The following RBM47 variants were observed in gnomAD, a reference collection of about 807,000 sequenced individuals.
RBM47 encodes RNA binding motif protein 47.
Under a neutral mutation model 47.1 loss-of-function variants are expected in RBM47, and 21 were observed. The observed-to-expected ratio is 0.45, with a 90% CI of 0.32 to 0.64. RBM47 has a LOEUF of 0.64. RBM47 is among the 30% of genes least tolerant of loss of function. The probability of loss-of-function intolerance (pLI) is 0.05; values close to 1 mark genes in which losing one functional copy is unlikely to be tolerated. For synonymous variants in RBM47, 375 were observed against 361.7 expected, an observed-to-expected ratio of 1.04 and a Z score of -0.42; for missense variants, 708 against 870.9, an observed-to-expected ratio of 0.81 and a Z score of 2.35.
chr4:40,496,109 G>A (rs1292461969), intron 2 of RBM47, among the ~76,000 whole-genome samples: 2 of 152,098 alleles, frequency 1.3e-5, no homozygotes, highest in Admixed American at 6.6e-5. Flanking sequence ...GCAGAGAGAA[G>A]AAACAAGAGT....
intron 1 of RBM47, among the ~76,000 whole-genome samples, chr4:40,608,740 T>C (rs1181357496): frequency 6.6e-6 from 1 of 152,186 alleles, no homozygotes; most frequent in Non-Finnish European, 1.5e-5. Flanking sequence ...AAGTTGGTGT[T>C]AGTAAGGCAA....
At chr4:40,478,258 A>G (rs1318185924) in intron 2 of RBM47, among the ~76,000 whole-genome samples, 2 of 151,812 alleles carry the variant, frequency 1.3e-5, no homozygotes, top group East Asian at 3.9e-4. Flanking sequence ...CAGGTGATCC[A>G]CCTGCCTCAG....
intron 1 of RBM47, among the ~76,000 whole-genome samples, chr4:40,572,681 T>C (rs1275526983): frequency 6.6e-6 from 1 of 151,936 alleles, no homozygotes; most frequent in Admixed American, 6.6e-5. Flanking sequence ...GGAGGATCAC[T>C]TAAGACCAGC....
rs921361409 is a variant in RBM47, at chr4:40,534,046, C to T, written c.-155+10376G>A. 6.6e-5 allele frequency among the ~76,000 whole-genome samples: 10 copies of T among 151,994 alleles called. No individual in the cohort carries two copies. The South Asian group carries it at 8.3e-4, about 13-fold the overall frequency. ...GTCAGGCTGGTCTCAAACTCCCAAC[C>T]TCAGGTGATCCACATGCCTCGGCCT... On this transcript the variant is annotated intron_variant, in intron 2 of 6. Transcript: ENST00000295971.
At chr4:40,485,869 G>A (rs1720993686) in intron 2 of RBM47, among the ~76,000 whole-genome samples, 1 of 150,770 alleles carries the variant, frequency 6.6e-6, no homozygotes, top group South Asian at 2.1e-4. Context: ...AGACCAGCCT[G>A]GGCAACATGG....
intron 2 of RBM47, among the ~76,000 whole-genome samples, chr4:40,507,022 T>C (rs1724188299): frequency 6.6e-6 from 1 of 152,112 alleles, no homozygotes; most frequent in African/African-American, 2.4e-5. Context: ...AGTGGTGCGA[T>C]CTTGGCTCGC....
intron 1 of RBM47, among the ~76,000 whole-genome samples, chr4:40,610,749 G>A (rs1736194051): frequency 1.3e-5 from 2 of 152,130 alleles, no homozygotes; most frequent in Admixed American, 6.6e-5. Flanking sequence ...GAACCCAGGG[G>A]GGAGGTAATT....
At chr4:40,486,315 C>T (rs1300431225) in intron 2 of RBM47, among the ~76,000 whole-genome samples, 1 of 152,060 alleles carries the variant, frequency 6.6e-6, no homozygotes, top group Middle Eastern at 3.2e-3. Context: ...CTTAATATGC[C>T]AGAGTGCTTC....
intron 1 of RBM47, among the ~76,000 whole-genome samples, chr4:40,621,871 C>T (rs897462822): frequency 6.6e-5 from 10 of 152,210 alleles, no homozygotes; most frequent in Non-Finnish European, 1.2e-4. Flanking sequence ...TTTGGCCCTG[C>T]CTTGCACGTT....
At chr4:40,468,400 T>G (rs1360468943) in intron 2 of RBM47, among the ~76,000 whole-genome samples, 1 of 152,234 alleles carries the variant, frequency 6.6e-6, no homozygotes, top group Non-Finnish European at 1.5e-5. Flanking sequence ...CACACTTTTT[T>G]CCACCAAAAA....
chr4:40,628,883 C>A lies in RBM47; in HGVS notation c.-240+513G>T, dbSNP rs1214072484. On this transcript the variant is annotated intron_variant, in intron 1 of 6. Coordinates refer to ENST00000295971, the MANE Select transcript of RBM47 (RefSeq NM_001098634.2). This position sits in a 1 kb window ranked among gnomAD's most constrained non-coding sequence, Gnocchi z 4.0. Reference sequence around the variant, plus strand: ...TGCTAATTTGTCAGATGTCATAATTCGTCAGTCCTACCCTTTTCTACAGGC... The same window carrying A: ...TGCTAATTTGTCAGATGTCATAATTAGTCAGTCCTACCCTTTTCTACAGGC... Among the ~76,000 whole-genome samples, 5 of 152,124 alleles carry A rather than the reference C, an allele frequency of 3.3e-5. No individual in the cohort carries two copies. Among genetic ancestry groups the A allele is most frequent in the African/African-American group, 1.2e-4 (5 of 41,408 alleles).
chr4:40,531,013 T>C (rs1727334515), intron 2 of RBM47, among the ~76,000 whole-genome samples: 1 of 152,134 alleles, frequency 6.6e-6, no homozygotes, highest in Non-Finnish European at 1.5e-5. Flanking sequence ...GCAGGAGGAC[T>C]GTTTGAGCCC....
At chr4:40,592,694 G>T (rs939539505) in intron 1 of RBM47, among the ~76,000 whole-genome samples, 7 of 150,936 alleles carry the variant, frequency 4.6e-5, no homozygotes, top group Non-Finnish European at 1.0e-4. Context: ...AAAGTGCTGG[G>T]ATTACAGGCA....
chr4:40,456,571 C>CTTTTTTTTTTT (rs34320480), intron 3 of RBM47, among the ~76,000 whole-genome samples: 3 of 112,576 alleles, frequency 2.7e-5, no homozygotes, highest in African/African-American at 1.1e-4. Flanking sequence ...TTTCTTTTTT[C>CTTTTTTTTTTT]TTTTTTTTTT....
chr4:40,462,958 C>T (rs1003083606), intron 3 of RBM47, among the ~76,000 whole-genome samples: 5 of 152,134 alleles, frequency 3.3e-5, no homozygotes, highest in South Asian at 2.1e-4. Flanking sequence ...TAAACTTAAT[C>T]GAAATTAATA....
At chr4:40,466,282 AAAAG>A (rs1333731462) in intron 3 of RBM47, among the ~76,000 whole-genome samples, 9 of 144,886 alleles carry the variant, frequency 6.2e-5, no homozygotes, top group East Asian at 2.0e-4. Flanking sequence ...AAAAAAAAAA[AAAAG>A]AAAGAAAGAA....
intron 2 of RBM47, among the ~76,000 whole-genome samples, chr4:40,500,467 T>G (rs1167258299): frequency 6.7e-6 from 1 of 149,634 alleles, no homozygotes; most frequent in Non-Finnish European, 1.5e-5. Flanking sequence ...AAACATTAGC[T>G]GGGTGTGGTG....
At chr4:40,486,190 CCAAT>C (rs1721069121) in intron 2 of RBM47, among the ~76,000 whole-genome samples, 2 of 151,672 alleles carry the variant, frequency 1.3e-5, no homozygotes, top group African/African-American at 4.9e-5. Context: ...AACATTGGTC[CCAAT>C]CACTCTTCCT....
chr4:40,488,141 G>A (rs965291108), intron 2 of RBM47, among the ~76,000 whole-genome samples: 9 of 152,042 alleles, frequency 5.9e-5, no homozygotes, highest in South Asian at 2.1e-4. Context: ...GGCCAACATG[G>A]TGAAACCCAG....
Sources: allele counts gnomAD v4.1 joint callset (sites outside exome capture counted in the v4.1 genomes callset), GRCh38; gene constraint gnomAD v4.1.1; non-coding constraint Gnocchi (gnomAD v3.1); transcripts MANE v1.5; gene names NCBI Gene and HGNC (gene_info 2026-07-23, HGNC 2026-07-21).